CLCN5: variants seen among roughly 807,000 people sequenced by gnomAD.
CLCN5 encodes the protein H(+)/Cl(-) exchange transporter 5.
Under a neutral mutation model 54.0 loss-of-function variants are expected in CLCN5, and 17 were observed. That is an observed-to-expected ratio of 0.31 (90% CI 0.22 to 0.47). The LOEUF is 0.47. Among genes scored for constraint, CLCN5 ranks in the 20% least tolerant of loss-of-function variants. The probability of loss-of-function intolerance (pLI) is 1.00; values close to 1 mark genes in which losing one functional copy is unlikely to be tolerated. For missense variants in CLCN5, 448 were observed against 646.7 expected (o/e 0.69, Z 3.33); for synonymous variants, 222 against 233.0 (o/e 0.95, Z 0.43).
rs150981343 is a variant in CLCN5 at position 50,040,852 on chromosome X, C to T, written c.17-1464C>T. On this transcript the variant is annotated intron_variant, in intron 3 of 14. Coordinates refer to ENST00000376091, the MANE Select transcript of CLCN5 (RefSeq NM_001127898.4). ...GTGTTCATAAATGTCACTCACACTTCGGTCAAGCTGGTCTCTTTATCACAA... is the reference window on the plus strand; with the variant it reads ...GTGTTCATAAATGTCACTCACACTTTGGTCAAGCTGGTCTCTTTATCACAA... Among the ~76,000 whole-genome samples the T allele has an allele frequency of 7.0e-3, 783 of 111,605 alleles. 4 individuals are homozygous for T. The highest frequency in any genetic ancestry group is 0.024 in the African/African-American group (742 of 30,664).
At chrX:50,036,224 A>G (rs1405924870) in intron 3 of CLCN5, among the ~76,000 whole-genome samples, 1 of 112,525 alleles carries the variant, frequency 8.9e-6, no homozygotes, top group Admixed American at 9.4e-5. Context: ...TAAAGACTGT[A>G]TCAAAATGGG....
At chrX:49,979,118 T>A (rs1928612455) in intron 3 of CLCN5, among the ~76,000 whole-genome samples, 1 of 111,703 alleles carries the variant, frequency 9.0e-6, no homozygotes, top group Admixed American at 9.5e-5. Flanking sequence ...ATTTTTTAAT[T>A]GTATGCTGAA....
chrX:50,075,755 C>T, intron 6 of CLCN5, 40 bp from the exon 7 acceptor site: 1 of 1,133,979 alleles, frequency 8.8e-7, no homozygotes, highest in South Asian at 1.8e-5. Context: ...TTCCGAGATT[C>T]AGTTTAACTT....
chrX:50,071,116 G>A (rs1220413666), intron 5 of CLCN5, among the ~76,000 whole-genome samples: 1 of 110,501 alleles, frequency 9.0e-6, no homozygotes, highest in Admixed American at 9.7e-5. Flanking sequence ...AATCTCTTGA[G>A]TAGTCAGGTG....
intron 3 of CLCN5, among the ~76,000 whole-genome samples, chrX:50,019,528 C>T (rs1212058711): frequency 1.8e-5 from 1 of 54,532 alleles, no homozygotes; most frequent in Non-Finnish European, 3.1e-5. Context: ...GCACATTGTG[C>T]AGGTTAGTTA....
chrX:49,969,087 T>TC (rs1432616983), intron 3 of CLCN5, among the ~76,000 whole-genome samples: 19 of 111,087 alleles, frequency 1.7e-4, no homozygotes, highest in African/African-American at 5.9e-4. Flanking sequence ...TTTCTTTCTT[T>TC]TTTTTTTTGA....
intron 11 of CLCN5, among the ~76,000 whole-genome samples, chrX:50,087,709 A>C (rs940511381): frequency 9.0e-6 from 1 of 111,452 alleles, no homozygotes; most frequent in Admixed American, 9.5e-5. Flanking sequence ...CATCCCCTCA[A>C]TACAGGGAAG....
At chrX:50,067,775 G>T in intron 4 of CLCN5, 2 of 732,741 alleles carry the variant, frequency 2.7e-6, no homozygotes, top group African/African-American at 4.6e-5. Flanking sequence ...GCAGACTTGA[G>T]CCTGACCAAG....
intron 3 of CLCN5, among the ~76,000 whole-genome samples, chrX:49,926,330 C>T (rs1925339401): frequency 8.9e-6 from 1 of 112,327 alleles, no homozygotes; most frequent in African/African-American, 3.2e-5. Flanking sequence ...TTTGGATATT[C>T]TTGCTTAAAT....
At chrX:50,080,984 G>C (rs1557193052) in intron 8 of CLCN5, among the ~76,000 whole-genome samples, 2 of 111,428 alleles carry the variant, frequency 1.8e-5, no homozygotes, top group Admixed American at 9.5e-5. Context: ...AAAGCTTCCA[G>C]AGTATATCCC....
chrX:49,976,588 A>T lies in CLCN5; in HGVS notation c.16+51274A>T, dbSNP rs1272874448. Among the ~76,000 whole-genome samples, 15 of 112,339 alleles carry T rather than the reference A, an allele frequency of 1.3e-4. No homozygotes were observed. In the East Asian group the frequency reaches 3.6e-3, roughly 27 times the overall value. On this transcript the variant is annotated intron_variant, in intron 3 of 14. Coordinates refer to ENST00000376091, the MANE Select transcript of CLCN5 (RefSeq NM_001127898.4). ...GAAAGCTTTTAATTTGTACTCATCT[A>T]TGCAAAAGAACTGCTTTTAAAATTT...
chrX:49,980,533 A>G (rs1391577712), intron 3 of CLCN5, among the ~76,000 whole-genome samples: 1 of 111,878 alleles, frequency 8.9e-6, no homozygotes, highest in Non-Finnish European at 1.9e-5. Flanking sequence ...AAAATCTGAA[A>G]GAAACTGAAC....
intron 3 of CLCN5, among the ~76,000 whole-genome samples, chrX:49,992,268 G>A (rs1317652184): frequency 4.0e-5 from 4 of 99,427 alleles, no homozygotes; most frequent in Non-Finnish European, 8.0e-5. Flanking sequence ...AATGTTCTCA[G>A]CTCCCCATTT....
At chrX:50,008,924 A>G (rs782143793) in intron 3 of CLCN5, 10 of 382,676 alleles carry the variant, frequency 2.6e-5, no homozygotes, top group Admixed American at 2.6e-4. Flanking sequence ...ACAAACACAC[A>G]AAAAGGGCAG....
intron 3 of CLCN5, among the ~76,000 whole-genome samples, chrX:49,930,751 T>C (rs1211707639): frequency 2.7e-5 from 3 of 111,669 alleles, no homozygotes; most frequent in African/African-American, 9.8e-5. Flanking sequence ...ATTCTGAGAT[T>C]ACCGTATTTT....
intron 4 of CLCN5, among the ~76,000 whole-genome samples, chrX:50,065,686 C>A (rs1227863626): frequency 9.7e-6 from 1 of 103,052 alleles, no homozygotes; most frequent in Admixed American, 1.1e-4. Flanking sequence ...GACTATAAAT[C>A]ATGCTGCTAT....
intron 3 of CLCN5, among the ~76,000 whole-genome samples, chrX:49,927,935 A>T: frequency 8.9e-6 from 1 of 112,271 alleles, no homozygotes; most frequent in Non-Finnish European, 1.9e-5. Flanking sequence ...ATTCTCACTC[A>T]TATGTGGGAG....
intron 3 of CLCN5, among the ~76,000 whole-genome samples, chrX:49,984,962 G>A (rs782609314): frequency 9.2e-6 from 1 of 109,135 alleles, no homozygotes; most frequent in East Asian, 2.9e-4. Context: ...CTCTCATTTT[G>A]AGTACTTGGG....
chrX:50,086,467 A>T lies in CLCN5; in HGVS notation c.1154A>T (p.His385Leu). 1.7e-6 allele frequency: 2 copies of T among 1,211,154 alleles called. No individual in the cohort carries two copies. ...TATGTGGAGTTTCACACCCCATGGC[A>T]TCTCTTTGAGCTCGTGCCATTCATT... The part of the protein sequence containing the change: ...LFYVEFHTPW[H>L]LFELVPFILL... The change falls in exon 11 of 15, where the codon CAT becomes CTT. Residue 385 changes from histidine to leucine, a missense_variant. By Grantham distance (99) the His-to-Leu change is moderately conservative. Transcript: ENST00000376091.
Sources: allele counts gnomAD v4.1 joint callset (sites outside exome capture counted in the v4.1 genomes callset), GRCh38; gene constraint gnomAD v4.1.1; transcripts MANE v1.5; gene names NCBI Gene and HGNC (gene_info 2026-07-23, HGNC 2026-07-21).